The following ZNF234 variants were observed in gnomAD, a reference collection of about 807,000 sequenced individuals.
ZNF234 encodes C2-H2 type zinc finger protein.
A neutral mutation model predicts 10.3 loss-of-function variants in ZNF234; 4 were observed. The observed-to-expected ratio is 0.39, with a 90% CI of 0.19 to 0.89. ZNF234 has a LOEUF of 0.89. Ranked by LOEUF, ZNF234 falls within the 40% of genes least tolerant of loss-of-function variation. The pLI is 0.38. For missense variants in ZNF234, 711 were observed against 836.1 expected (o/e 0.85, Z 1.85); for synonymous variants, 258 against 280.1 (o/e 0.92, Z 0.79).
chr19:44,157,305 G>GTGA lies in ZNF234; in HGVS notation c.1290_1292dup (p.Cys430_Glu431insAsp), dbSNP rs1169935663. On this transcript the variant is annotated inframe_insertion, in exon 6 of 6. Transcript: ENST00000426739. ...CACACAGGGGAAAAACCCTATAAAT[G>GTGA]TGAAGTATGTGGTAAAGCCTTCCGT... 6.2e-7 allele frequency: 1 copy of GTGA among 1,613,980 alleles called. No individual in the cohort carries two copies. The highest frequency in any genetic ancestry group is 8.5e-7 in the Non-Finnish European group (1 of 1,179,894).
At position 44,156,837 on chromosome 19, in the gene ZNF234, A is replaced by T; in HGVS notation, c.821A>T (p.His274Leu). ...GGAAGGGCCTTCATACATGCTTCCC[A>T]TCTTCAGGAACATCAGAGAATTCAT... The part of the protein sequence containing the change: ...ECGRAFIHAS[H>L]LQEHQRIHTG... The change falls in exon 6 of 6, where the codon CAT becomes CTT. Residue 274 changes from histidine to leucine, a missense_variant. Transcript: ENST00000426739. 1 of 1,609,900 alleles carries T rather than the reference A, an allele frequency of 6.2e-7. No individual in the cohort carries two copies.
chr19:44,155,473 A>G (rs1053667999), intron 5 of ZNF234, among the ~76,000 whole-genome samples: 2 of 152,208 alleles, frequency 1.3e-5, no homozygotes, highest in African/African-American at 4.8e-5. Flanking sequence ...CTTTATTCTT[A>G]CAATAAAGAG....
At chr19:44,147,384 A>C (rs898675264) in intron 3 of ZNF234, among the ~76,000 whole-genome samples, 8 of 151,770 alleles carry the variant, frequency 5.3e-5, no homozygotes, top group African/African-American at 1.9e-4. Context: ...CCACAGGCAC[A>C]CGCCACCACA....
rs1475051241 is a variant in ZNF234, at chr19:44,142,369, T to G, written c.-77+2T>G. On this transcript the variant is annotated splice_donor_variant, in intron 2 of 5. Coordinates refer to ENST00000426739, the MANE Select transcript of ZNF234 (RefSeq NM_006630.3). LOFTEE classifies it low-confidence loss of function (5UTR_SPLICE). ...TGGCTACTGAAAGCAAAGCTCCACG[T>G]GAGTGTGACTTGTCATTTTTCTTTT... 2.0e-5 allele frequency: 3 copies of G among 152,564 alleles called. No homozygotes were observed. Among genetic ancestry groups the G allele is most frequent in the Admixed American group, 2.0e-4 (3 of 15,302 alleles). 9.5% of individuals were successfully genotyped at this position (152,564 alleles called of 1,614,324 possible).
At chr19:44,151,727 CCT>C (rs1320255698) in intron 5 of ZNF234, among the ~76,000 whole-genome samples, 1 of 152,120 alleles carries the variant, frequency 6.6e-6, no homozygotes, top group African/African-American at 2.4e-5. Flanking sequence ...AGCTTGTGGC[CCT>C]CTTCACAGCC....
In ZNF234 at chr19:44,157,917, G is replaced by A; in HGVS notation, c.1901G>A (p.Ser634Asn). 1.2e-6 allele frequency: 2 copies of A among 1,614,192 alleles called. No individual in the cohort carries two copies. The highest frequency in any genetic ancestry group is 1.7e-6 in the Non-Finnish European group (2 of 1,180,026). The change falls in exon 6 of 6, where the codon AGT becomes AAT. Residue 634 changes from serine (S) to asparagine (N), a missense_variant. Coordinates refer to ENST00000426739, the MANE Select transcript of ZNF234 (RefSeq NM_006630.3). ...TGTGATGTATGTGGTAAAGTCTTCA[G>A]TCGGTCTTCACAATTACAGTATCAT... ...YKCDVCGKVF[S>N]RSSQLQYHRR...
rs1405301054 is a variant in ZNF234, at chr19:44,160,199, A to T, written c.*2080A>T. 1.3e-5 allele frequency: 2 copies of T among 152,188 alleles called. No homozygotes were observed. The highest frequency in any genetic ancestry group is 2.9e-5 in the Non-Finnish European group (2 of 68,046). The allele number at this position is 152,188 out of a possible 1,614,324, so 9.4% of individuals were successfully genotyped here. On this transcript the variant is annotated 3_prime_UTR_variant, in exon 6 of 6. Coordinates refer to ENST00000426739, the MANE Select transcript of ZNF234 (RefSeq NM_006630.3). The stretch of plus-strand genomic sequence containing the variant: ...TTTTCCCTATTGCTGGCAGTAAAAC[A>T]TGGGTTTAAGGAAGAGTGTTTTTCA...
chr19:44,142,576 G>C (rs1968492926), intron 2 of ZNF234, among the ~76,000 whole-genome samples: 1 of 152,184 alleles, frequency 6.6e-6, no homozygotes. Flanking sequence ...TTGGAACCTA[G>C]GCATTCAGGG....
intron 3 of ZNF234, among the ~76,000 whole-genome samples, chr19:44,146,905 T>TC (rs1968611604): frequency 7.0e-6 from 1 of 142,898 alleles, no homozygotes; most frequent in South Asian, 2.4e-4. Context: ...AACCTATGCC[T>TC]CCCGGGTTCA....
rs749827334 is a variant in ZNF234 at position 44,157,668 on chromosome 19, G to C, written c.1652G>C (p.Arg551Pro). 6.2e-7 allele frequency: 1 copy of C among 1,613,414 alleles called. No homozygotes were observed. Among genetic ancestry groups the C allele is most frequent in the Non-Finnish European group, 8.5e-7 (1 of 1,179,860 alleles). The change falls in exon 6 of 6, where the codon CGG (arginine) becomes CCG (proline). Residue 551 changes from arginine (R) to proline (P), a missense_variant. Physicochemically the swap from Arg to Pro is moderately radical, Grantham distance 103 (BLOSUM62 -2). Coordinates refer to ENST00000426739, the MANE Select transcript of ZNF234 (RefSeq NM_006630.3). ...KCEECGKSFSRSAHLQAHQKV... is the reference protein window; with the variant it reads ...KCEECGKSFSPSAHLQAHQKV... ...GAAGAGTGTGGGAAGAGCTTCAGTC[G>C]GAGTGCACACCTTCAAGCCCATCAA... is the stretch of plus-strand genomic sequence containing the variant.
Position 44,144,572 on chromosome 19 carries a change from T to C in ZNF234, c.-61T>C. On this transcript the variant is annotated 5_prime_UTR_variant, in exon 3 of 6. Transcript: ENST00000426739. ...TCTTCCATAGTGTTCCAGGCACGATTCTGCCTTCTCTCAAATGGCATAACT... is the reference window on the plus strand; with the variant it reads ...TCTTCCATAGTGTTCCAGGCACGATCCTGCCTTCTCTCAAATGGCATAACT... 6.9e-7 allele frequency: 1 copy of C among 1,453,886 alleles called. No homozygotes were observed. The highest frequency in any genetic ancestry group is 9.2e-7 in the Non-Finnish European group (1 of 1,090,302). 90.1% of individuals were successfully genotyped at this position (1,453,886 alleles called of 1,614,324 possible).
Position 44,158,121 on chromosome 19 carries a change from T to TTA in ZNF234, c.*2_*3insTA, listed in dbSNP as rs1968956007. 1 of 1,242,612 alleles carries TTA rather than the reference T, an allele frequency of 8.0e-7. No homozygotes were observed. Among genetic ancestry groups the TTA allele is most frequent in the Admixed American group, 2.3e-5 (1 of 43,168 alleles). 77.0% of individuals were successfully genotyped at this position (1,242,612 alleles called of 1,614,324 possible). On this transcript the variant is annotated 3_prime_UTR_variant, in exon 6 of 6. Coordinates refer to ENST00000426739, the MANE Select transcript of ZNF234 (RefSeq NM_006630.3). Reference sequence around the variant, plus strand: ...GAGGGAGGAAGTTCTACAAGGTGATTAAAAAAAAAAAAACAGAACTCATGT... The same window carrying TTA: ...GAGGGAGGAAGTTCTACAAGGTGATTTAAAAAAAAAAAAAACAGAACTCATGT...
At position 44,156,964 on chromosome 19, in the gene ZNF234, C is replaced by T; in HGVS notation, c.948C>T (p.Tyr316=). 1 of 1,614,088 alleles carries T rather than the reference C, an allele frequency of 6.2e-7. No individual in the cohort carries two copies. Among genetic ancestry groups the T allele is most frequent in the Non-Finnish European group, 8.5e-7 (1 of 1,179,970 alleles). Residue 316 remains tyrosine (Y), a synonymous_variant, in exon 6 of 6, where the codon TAC becomes TAT. Coordinates refer to ENST00000426739, the MANE Select transcript of ZNF234 (RefSeq NM_006630.3). ...TGGTCCACACAGGAGAGAAACCATA[C>T]AAATGTGAGGACTGTGGTAAGTGTT... The part of the protein sequence containing the change: ...HCMVHTGEKP[Y]KCEDCGKCFT...
rs759733415 is a variant in ZNF234 at position 44,156,465 on chromosome 19, G to A, written c.449G>A (p.Cys150Tyr). The A allele has an allele frequency of 5.0e-6, 8 of 1,613,958 alleles. No individual in the cohort carries two copies. The highest frequency in any genetic ancestry group is 6.8e-6 in the Non-Finnish European group (8 of 1,179,900). Residue 150 changes from cysteine to tyrosine, a missense_variant, in exon 6 of 6, where the codon TGT (cysteine) becomes TAT (tyrosine). Cys to Tyr is a radical substitution (Grantham distance 194). Coordinates refer to ENST00000426739, the MANE Select transcript of ZNF234 (RefSeq NM_006630.3). Reference sequence around the variant, plus strand: ...CACACAGGACAGAAATTTTACCAATGTGATGAGTACAAAAAATCCTTCACT... The same window carrying A: ...CACACAGGACAGAAATTTTACCAATATGATGAGTACAAAAAATCCTTCACT... ...TTHTGQKFYQ[C>Y]DEYKKSFTDV...
At chr19:44,150,586 G>T in intron 5 of ZNF234, 81 bp downstream of exon 5, 1 of 1,233,946 alleles carries the variant, frequency 8.1e-7, no homozygotes, top group Non-Finnish European at 1.1e-6. Context: ...CTGCCATCGG[G>T]TCCAAATTGC....
At chr19:44,144,946 G>A (rs1031571933) in intron 3 of ZNF234, among the ~76,000 whole-genome samples, 8 of 152,134 alleles carry the variant, frequency 5.3e-5, no homozygotes, top group Admixed American at 1.3e-4. Context: ...TTCCTTTTGC[G>A]GTTGATTGAG....
chr19:44,143,622 A>G (rs1240007757), intron 2 of ZNF234, among the ~76,000 whole-genome samples: 3 of 150,620 alleles, frequency 2.0e-5, no homozygotes, highest in South Asian at 2.1e-4. Flanking sequence ...AAAAGAAAAA[A>G]AAAAAAAAAA....
chr19:44,148,697 C>T (rs749892364), intron 3 of ZNF234, 74 bp from the exon 4 acceptor site: 45 of 1,600,088 alleles, frequency 2.8e-5, no homozygotes, highest in Non-Finnish European at 3.8e-5. Context: ...CCTACATACT[C>T]TCCACTTTCT....
In ZNF234 at chr19:44,156,741, G is replaced by C. The variant is rs1251138039; in HGVS notation, c.725G>C (p.Ser242Thr). 6.2e-7 allele frequency: 1 copy of C among 1,613,972 alleles called. No homozygotes were observed. The highest frequency in any genetic ancestry group is 1.3e-5 in the African/African-American group (1 of 75,010). The stretch of plus-strand genomic sequence containing the variant: ...TGTGTGGAATGTGGGAAAGGCTTCA[G>C]TCGTAGATCAACACTTACTGTACAT... ...FKCVECGKGF[S>T]RRSTLTVHCK... The change falls in exon 6 of 6, where the codon AGT becomes ACT. Residue 242 changes from serine (S) to threonine (T), a missense_variant. By Grantham distance (58) the Ser-to-Thr change is moderately conservative. Coordinates refer to ENST00000426739, the MANE Select transcript of ZNF234 (RefSeq NM_006630.3).
Sources: allele counts gnomAD v4.1 joint callset (sites outside exome capture counted in the v4.1 genomes callset), GRCh38; gene constraint gnomAD v4.1.1; transcripts MANE v1.5; gene names NCBI Gene and HGNC (gene_info 2026-07-23, HGNC 2026-07-21).